ULK4: variants seen among roughly 807,000 people sequenced by gnomAD.
ULK4 encodes the protein unc-51 like kinase 4.
In ULK4, 133 loss-of-function variants were observed where a neutral mutation model predicts 160.6. The observed-to-expected ratio is 0.83, with a 90% CI of 0.72 to 0.96. The LOEUF (loss-of-function observed/expected upper bound fraction) is 0.96, where lower values mean the gene tolerates loss of function less well. Among genes scored for constraint, ULK4 ranks in the 40% least tolerant of loss-of-function variants. ULK4 has a pLI of 0.00. For synonymous variants in ULK4, 534 were observed against 539.8 expected, an observed-to-expected ratio of 0.99 and a Z score of 0.15; for missense variants, 1,580 against 1,499.5, an observed-to-expected ratio of 1.05 and a Z score of -0.89.
chr3:41,269,726 TCTCAATAGTACAAA>T (rs2079105506), intron 35 of ULK4, among the ~76,000 whole-genome samples: 1 of 152,194 alleles, frequency 6.6e-6, no homozygotes, highest in Non-Finnish European at 1.5e-5. Context: ...AATAGTACAA[TCTCAATAGTACAAA>T]CTTAAAGTTA....
chr3:41,354,143 C>T (rs759976647), intron 35 of ULK4, among the ~76,000 whole-genome samples: 1 of 152,166 alleles, frequency 6.6e-6, no homozygotes, highest in Non-Finnish European at 1.5e-5. Context: ...TTAGTGGAAC[C>T]TGAATGCAAG....
chr3:41,715,646 C>T, intron 23 of ULK4, 78 bp from the exon 24 acceptor site: 1 of 1,566,192 alleles, frequency 6.4e-7, no homozygotes, highest in Non-Finnish European at 8.7e-7. Flanking sequence ...TGCTTGAATA[C>T]CCATGGGACT....
Position 41,883,962 on chromosome 3 carries a change from G to A in ULK4, c.1578-10C>T, listed in dbSNP as rs779740293. The stretch of plus-strand genomic sequence containing the variant: ...AGCAACCTTGGCCCGTCTGTAAATG[G>A]AGAGAAAACAGGCTCTGAAAAGAAG... On this transcript the variant is annotated splice_polypyrimidine_tract_variant and intron_variant, in intron 16 of 36. Coordinates refer to ENST00000301831, the MANE Select transcript of ULK4 (RefSeq NM_017886.4). 1.3e-6 allele frequency: 2 copies of A among 1,592,794 alleles called. No individual in the cohort carries two copies. Among genetic ancestry groups the A allele is most frequent in the East Asian group, 2.2e-5 (1 of 44,772 alleles).
intron 35 of ULK4, among the ~76,000 whole-genome samples, chr3:41,378,780 T>TAAATA (rs1277032917): frequency 1.3e-5 from 2 of 149,674 alleles, no homozygotes; most frequent in African/African-American, 4.9e-5. Context: ...TAAAGTATAA[T>TAAATA]AAATAAAATA....
At chr3:41,946,550 C>T (rs1268796836) in intron 2 of ULK4, among the ~76,000 whole-genome samples, 4 of 152,202 alleles carry the variant, frequency 2.6e-5, no homozygotes, top group African/African-American at 9.7e-5. Context: ...ATCACACTAA[C>T]ACCTGCACTA....
chr3:41,301,350 T>C (rs1402326967), intron 35 of ULK4, among the ~76,000 whole-genome samples: 2 of 152,162 alleles, frequency 1.3e-5, no homozygotes, highest in African/African-American at 2.4e-5. Flanking sequence ...TGCATTTCAC[T>C]ATAACGACAG....
intron 16 of ULK4, among the ~76,000 whole-genome samples, chr3:41,889,191 T>C (rs1697830444): frequency 6.6e-6 from 1 of 152,196 alleles, no homozygotes; most frequent in Non-Finnish European, 1.5e-5. Context: ...GCTTATATTA[T>C]ATAATCCTAA....
chr3:41,953,310 T>A (rs201599867), intron 2 of ULK4, among the ~76,000 whole-genome samples: 32,674 of 84,416 alleles, frequency 0.39, 5,213 homozygotes, highest in Non-Finnish European at 0.51. Context: ...ATATATTTTT[T>A]TTTTTTTTTG....
chr3:41,492,095 T>C (rs1575303037), intron 32 of ULK4, among the ~76,000 whole-genome samples: 1 of 151,178 alleles, frequency 6.6e-6, no homozygotes, highest in South Asian at 2.1e-4. Context: ...TATTCCATGG[T>C]GTATATGTGA....
intron 32 of ULK4, among the ~76,000 whole-genome samples, chr3:41,480,256 TG>T: frequency 6.6e-6 from 1 of 150,764 alleles, no homozygotes; most frequent in East Asian, 1.9e-4. Flanking sequence ...GAGAAGTTCA[TG>T]GACATCCCAT....
At chr3:41,632,210 T>C (rs553736877) in intron 30 of ULK4, among the ~76,000 whole-genome samples, 16 of 152,236 alleles carry the variant, frequency 1.1e-4, no homozygotes, top group Middle Eastern at 6.8e-3. Context: ...AGAGAAAGAA[T>C]TGACAGTGGC....
chr3:41,456,016 T>C (rs1279893254), intron 33 of ULK4, among the ~76,000 whole-genome samples: 1 of 152,134 alleles, frequency 6.6e-6, no homozygotes, highest in Non-Finnish European at 1.5e-5. Context: ...TTCAAGCGAT[T>C]CTCCTGACTC....
rs775621532 is a variant in ULK4 at position 41,398,248 on chromosome 3, G to T, written c.3509C>A (p.Pro1170His). Reference sequence around the variant, plus strand: ...CTTGGATGAAACATCAAAAATCTCAGGATCTTCATTAGGAAGCTGAAAATT... The same window carrying T: ...CTTGGATGAAACATCAAAAATCTCATGATCTTCATTAGGAAGCTGAAAATT... Reference protein sequence around the residue: ...LLIPLLPNEDPEIFDVSSKCL... With the variant: ...LLIPLLPNEDHEIFDVSSKCL... Residue 1170 changes from proline to histidine, a missense_variant, in exon 35 of 37, where the codon CCT becomes CAT. Coordinates refer to ENST00000301831, the MANE Select transcript of ULK4 (RefSeq NM_017886.4). 1 of 1,612,160 alleles carries T rather than the reference G, an allele frequency of 6.2e-7. No individual in the cohort carries two copies. Among genetic ancestry groups the T allele is most frequent in the Non-Finnish European group, 8.5e-7 (1 of 1,179,348 alleles).
chr3:41,724,365 C>T (rs2037573616), intron 22 of ULK4, among the ~76,000 whole-genome samples: 1 of 152,134 alleles, frequency 6.6e-6, no homozygotes, highest in African/African-American at 2.4e-5. Flanking sequence ...GTTTCATAGA[C>T]ACTGATGATC....
intron 5 of ULK4, among the ~76,000 whole-genome samples, chr3:41,920,096 T>C (rs1303571916): frequency 6.6e-6 from 1 of 152,236 alleles, no homozygotes; most frequent in Non-Finnish European, 1.5e-5. Context: ...ATAGTTTAAG[T>C]TAAACCTTCA....
At chr3:41,854,198 A>G (rs1203775851) in intron 17 of ULK4, 1 of 152,250 alleles carries the variant, frequency 6.6e-6, no homozygotes, top group Non-Finnish European at 1.5e-5. Flanking sequence ...GACAGAATCT[A>G]AAAGCTCTGG....
At chr3:41,652,509 T>C (rs1463434697) in intron 30 of ULK4, among the ~76,000 whole-genome samples, 1 of 152,210 alleles carries the variant, frequency 6.6e-6, no homozygotes, top group Non-Finnish European at 1.5e-5. Flanking sequence ...ATCAGCCCTA[T>C]CAGTGTTGTT....
At chr3:41,497,812 T>A (rs996908063) in intron 32 of ULK4, among the ~76,000 whole-genome samples, 1 of 151,722 alleles carries the variant, frequency 6.6e-6, no homozygotes, top group Admixed American at 6.6e-5. Flanking sequence ...AGGTCAGGAG[T>A]TCAAGACTGT....
chr3:41,722,119 G>A (rs1337148848), intron 22 of ULK4, among the ~76,000 whole-genome samples: 1 of 152,156 alleles, frequency 6.6e-6, no homozygotes, highest in Non-Finnish European at 1.5e-5. Context: ...CTGTGAGGAT[G>A]TAAATGAATG....
Sources: gnomAD v4.1 joint callset for allele counts (sites outside exome capture counted in the v4.1 genomes callset) on GRCh38, gnomAD v4.1.1 for gene constraint, MANE v1.5 for transcripts, NCBI Gene and HGNC (gene_info 2026-07-23, HGNC 2026-07-21) for gene names.